Variants in PCDHA2 observed in about 807,000 individuals in gnomAD.
The protein encoded by PCDHA2 is protocadherin alpha-2.
PCDHA2 carries 58 observed loss-of-function variants against 66.0 expected under a neutral mutation model. The ratio of observed to expected loss-of-function variants is 0.88; its 90% CI spans 0.71 to 1.09. PCDHA2 has a LOEUF of 1.09. Among genes scored for constraint, PCDHA2 ranks in the 50% least tolerant of loss-of-function variants. PCDHA2 has a pLI of 0.00. For missense variants in PCDHA2, 1,267 were observed against 1,242.3 expected, an observed-to-expected ratio of 1.02 and a Z score of -0.30; for synonymous variants, 634 against 554.0, an observed-to-expected ratio of 1.14 and a Z score of -2.03.
intron 1 of PCDHA2, among the ~76,000 whole-genome samples, chr5:140,942,993 AT>A (rs1228666837): frequency 3.3e-5 from 5 of 152,166 alleles, no homozygotes; most frequent in African/African-American, 1.2e-4. Context: ...GTGGTGGCTC[AT>A]GCCTGTAATC....
intron 1 of PCDHA2, among the ~76,000 whole-genome samples, chr5:140,937,875 G>GCATGGCGCCCAGGCGC (rs1467494060): frequency 1.3e-5 from 2 of 150,442 alleles, no homozygotes; most frequent in African/African-American, 4.9e-5. Context: ...TCGCGCCACT[G>GCATGGCGCCCAGGCGC]CACTCCAGCC....
Position 140,869,207 on chromosome 5 carries a change from T to C in PCDHA2, c.2388+71855T>C, listed in dbSNP as rs781925229. ...GGGAGCGGCCAGCTCCACTACTCCG[T>C]CTCGGAGGAGGCCAAACACGGCACC... On this transcript the variant is annotated intron_variant, in intron 1 of 3. Transcript: ENST00000526136. 3.7e-6 allele frequency: 6 copies of C among 1,613,842 alleles called. No homozygotes were observed. The African/African-American group carries it at 5.3e-5, about 14-fold the overall frequency.
chr5:140,958,873 A>G (rs1554223676), intron 1 of PCDHA2, among the ~76,000 whole-genome samples: 1 of 152,100 alleles, frequency 6.6e-6, no homozygotes, highest in East Asian at 1.9e-4. Context: ...TTTATAAAAG[A>G]ATTGACCAGT....
chr5:140,805,362 T>C (rs1216657380), intron 1 of PCDHA2: 1 of 1,176,964 alleles, frequency 8.5e-7, no homozygotes, highest in Non-Finnish European at 1.1e-6. Context: ...ATAGTTTGGG[T>C]CCCCACATAG....
At chr5:140,880,045 G>A (rs1345443297) in intron 1 of PCDHA2, among the ~76,000 whole-genome samples, 2 of 152,164 alleles carry the variant, frequency 1.3e-5, no homozygotes, top group Admixed American at 6.5e-5. Flanking sequence ...GGATTAAGAT[G>A]TGGGCATAAC....
At position 140,823,245 on chromosome 5, in the gene PCDHA2, C is replaced by T. The variant is rs2150123911; in HGVS notation, c.2388+25893C>T. 8 of 1,613,492 alleles carry T rather than the reference C, an allele frequency of 5.0e-6. No individual in the cohort carries two copies. The Admixed American group carries it at 8.3e-5, about 17-fold the overall frequency. On this transcript the variant is annotated intron_variant, in intron 1 of 3. Transcript: ENST00000526136. Reference sequence around the variant, plus strand: ...ACGCGCAGGAGAACGCCCTGGTGTCCTACTCGCTGGTGGAGCGGCGGGTGG... The same window carrying T: ...ACGCGCAGGAGAACGCCCTGGTGTCTTACTCGCTGGTGGAGCGGCGGGTGG...
Position 140,796,028 on chromosome 5 carries a change from T to C in PCDHA2, c.1064T>C (p.Leu355Pro). ...DNTPEVSITS[L>P]SLPISENASL... ...ACACCAGAAGTCTCAATAACGTCTC[T>C]CTCACTTCCCATCTCAGAGAACGCT... The change falls in exon 1 of 4, where the codon CTC becomes CCC. Residue 355 changes from leucine to proline, a missense_variant. By Grantham distance (98) the Leu-to-Pro change is moderately conservative. Coordinates refer to ENST00000526136, the MANE Select transcript of PCDHA2 (RefSeq NM_018905.3). The C allele has an allele frequency of 2.5e-6, 4 of 1,614,218 alleles. No individual in the cohort carries two copies. Among genetic ancestry groups the C allele is most frequent in the Non-Finnish European group, 3.4e-6 (4 of 1,180,032 alleles).
intron 1 of PCDHA2, chr5:140,966,547 G>A (rs2096020137): frequency 2.1e-6 from 1 of 467,502 alleles, no homozygotes; most frequent in Non-Finnish European, 3.6e-6. Context: ...ACTCGGAGGC[G>A]AGCGGAGGAG....
At position 140,836,007 on chromosome 5, in the gene PCDHA2, G is replaced by T. The variant is rs2150250458; in HGVS notation, c.2388+38655G>T. The T allele has an allele frequency of 5.0e-5, 81 of 1,613,178 alleles. 3 individuals are homozygous for T. In the East Asian group the frequency reaches 1.3e-3, roughly 27 times the overall value. On this transcript the variant is annotated intron_variant, in intron 1 of 3. Transcript: ENST00000526136. ...CCAGGTGAGCGCGCGCGATGCGGGC[G>T]TGCCGCCTCTGGGCAGCAACGTGAC...
intron 1 of PCDHA2, among the ~76,000 whole-genome samples, chr5:140,903,060 T>C (rs1412957275): frequency 6.6e-6 from 1 of 152,316 alleles, no homozygotes; most frequent in East Asian, 1.9e-4. Flanking sequence ...TGACTTCTTT[T>C]CCTTTGGGTA....
At position 140,900,403 on chromosome 5, in the gene PCDHA2, A is replaced by G. The variant is rs569079456; in HGVS notation, c.2389-78546A>G. ...AGCGATTCTCCTGCCTCAGCCTCCC[A>G]AGTAGCTGGGATTATAGGCACGTGC... On this transcript the variant is annotated intron_variant, in intron 1 of 3. Coordinates refer to ENST00000526136, the MANE Select transcript of PCDHA2 (RefSeq NM_018905.3). 2.4e-3 allele frequency among the ~76,000 whole-genome samples: 360 copies of G among 152,066 alleles called. 1 individual carries two copies. Among genetic ancestry groups the G allele is most frequent in the African/African-American group, 8.1e-3 (336 of 41,500 alleles).
intron 1 of PCDHA2, among the ~76,000 whole-genome samples, chr5:140,910,364 TATGCCCACCTTGCC>T: frequency 6.6e-6 from 1 of 152,222 alleles, no homozygotes; most frequent in Admixed American, 6.5e-5. Context: ...TTATGGTAGC[TATGCCCACCTTGCC>T]TTTGACAGTT....
At chr5:140,877,332 C>G (rs2057040352) in intron 1 of PCDHA2, 16 of 1,613,990 alleles carry the variant, frequency 9.9e-6, no homozygotes, top group Non-Finnish European at 1.4e-5. Flanking sequence ...GCGCGCACAT[C>G]CCGTTCCACG....
intron 1 of PCDHA2, among the ~76,000 whole-genome samples, chr5:140,946,757 C>T (rs1179265601): frequency 6.6e-6 from 1 of 151,268 alleles, no homozygotes; most frequent in Non-Finnish European, 1.5e-5. Context: ...ACTGCATGAT[C>T]TCATTCATGT....
intron 1 of PCDHA2, chr5:140,857,265 T>G: frequency 1.3e-6 from 2 of 1,598,672 alleles, no homozygotes; most frequent in Non-Finnish European, 1.7e-6. Flanking sequence ...TACTACTCAT[T>G]GGTGCTGGAC....
chr5:140,809,151 G>A lies in PCDHA2; in HGVS notation c.2388+11799G>A, dbSNP rs370475370. ...CTACTGGTACTGGTGAAGGACCACGGCGAGCCCGCGCTGACGGCCACGGCC... is the reference window on the plus strand; with the variant it reads ...CTACTGGTACTGGTGAAGGACCACGACGAGCCCGCGCTGACGGCCACGGCC... On this transcript the variant is annotated intron_variant, in intron 1 of 3. Coordinates refer to ENST00000526136, the MANE Select transcript of PCDHA2 (RefSeq NM_018905.3). 1.9e-6 allele frequency: 3 copies of A among 1,613,852 alleles called. No individual in the cohort carries two copies. The highest frequency in any genetic ancestry group is 2.7e-5 in the African/African-American group (2 of 74,940).
At chr5:140,894,740 A>AT (rs1157881854) in intron 1 of PCDHA2, among the ~76,000 whole-genome samples, 7 of 151,086 alleles carry the variant, frequency 4.6e-5, no homozygotes, top group Middle Eastern at 3.4e-3. Flanking sequence ...AATTTGTGGA[A>AT]TTTTTTTTCT....
chr5:140,825,571 T>C (rs1196041650), intron 1 of PCDHA2: 1 of 151,826 alleles, frequency 6.6e-6, no homozygotes, highest in African/African-American at 2.4e-5. Flanking sequence ...ATTACAGGCA[T>C]GTGCCCACAC....
intron 1 of PCDHA2, chr5:140,805,471 A>C: frequency 1.0e-6 from 1 of 1,004,036 alleles, no homozygotes; most frequent in African/African-American, 1.7e-5. Context: ...GTAGTTCTTC[A>C]ATAGAGAGGG....
Sources: gnomAD v4.1 joint callset for allele counts (sites outside exome capture counted in the v4.1 genomes callset) on GRCh38, gnomAD v4.1.1 for gene constraint, MANE v1.5 for transcripts, NCBI Gene and HGNC (gene_info 2026-07-23, HGNC 2026-07-21) for gene names.